Variants in COQ2 observed in about 807,000 individuals in gnomAD.
COQ2 encodes coenzyme Q2, polyprenyltransferase, also known as 4-hydroxybenzoate polyprenyltransferase, mitochondrial.
A neutral mutation model predicts 35.7 loss-of-function variants in COQ2; 25 were observed. The observed-to-expected ratio is 0.70, with a 90% CI of 0.51 to 0.98. The LOEUF (loss-of-function observed/expected upper bound fraction) is 0.98. Ranked by LOEUF, COQ2 falls within the 50% of genes least tolerant of loss-of-function variation. The probability of loss-of-function intolerance (pLI) is 0.00; values close to 1 mark genes in which losing one functional copy is unlikely to be tolerated. For synonymous variants in COQ2, 206 were observed against 186.2 expected (o/e 1.11, Z -0.86); for missense variants, 488 against 473.5 (o/e 1.03, Z -0.28).
intron 2 of COQ2, 67 bp downstream of exon 2, chr4:83,278,881 G>A: frequency 7.1e-7 from 1 of 1,408,342 alleles, no homozygotes; most frequent in Non-Finnish European, 9.3e-7. Flanking sequence ...GCATTCAAAA[G>A]TGATACCACT....
chr4:83,283,816 AT>A (rs1381502075), intron 1 of COQ2: 1 of 985,380 alleles, frequency 1.0e-6, no homozygotes, highest in African/African-American at 1.7e-5. Context: ...AAAATTGCGG[AT>A]AAAGCGATAG....
At position 83,283,778 on chromosome 4, in the gene COQ2, GGTTA is replaced by G. The variant is rs368544415; in HGVS notation, c.253+730_253+733del. On this transcript the variant is annotated intron_variant, in intron 1 of 6. Transcript: ENST00000647002. ...AGCCAATCAATCAACAAGCGCATAAGGTTAGTTAGTGGTGAGTGCTATTAAGAAA... is the reference window on the plus strand; with the variant it reads ...AGCCAATCAATCAACAAGCGCATAAGGTTAGTGGTGAGTGCTATTAAGAAA... The G allele has an allele frequency of 3.3e-5, 33 of 985,388 alleles. No individual in the cohort carries two copies. The African/African-American group carries it at 5.1e-4, about 15-fold the overall frequency. The allele number at this position is 985,388 out of a possible 1,614,324, so 61.0% of individuals were successfully genotyped here.
chr4:83,265,047 GA>G (rs1734879915), intron 6 of COQ2, among the ~76,000 whole-genome samples: 1 of 152,174 alleles, frequency 6.6e-6, no homozygotes. Flanking sequence ...TACATTTAGG[GA>G]AGGGGAGCTA....
chr4:83,264,301 T>C lies in COQ2; in HGVS notation c.1014A>G (p.Thr338=), dbSNP rs1734859054. The C allele has an allele frequency of 2.0e-5, 33 of 1,612,538 alleles. No individual in the cohort carries two copies. The highest frequency in any genetic ancestry group is 2.8e-5 in the Non-Finnish European group (33 of 1,179,518). ...TCCCTAAAAAAACTATTAGTCCCAG[T>C]GTTCGGTTGGAGATAAATTTATTCC... ...DCWNKFISNR[T]LGLIVFLGIV... Residue 338 remains threonine (T), a synonymous_variant, in exon 7 of 7, where the codon ACA becomes ACG. Transcript: ENST00000647002.
At chr4:83,280,419 A>C (rs1445435955) in intron 1 of COQ2, among the ~76,000 whole-genome samples, 1 of 152,230 alleles carries the variant, frequency 6.6e-6, no homozygotes, top group Non-Finnish European at 1.5e-5. Flanking sequence ...AGTCCCTGTA[A>C]TCATGTTTAA....
chr4:83,266,262 A>G (rs1329180567), intron 6 of COQ2, among the ~76,000 whole-genome samples: 1 of 152,246 alleles, frequency 6.6e-6, no homozygotes, highest in African/African-American at 2.4e-5. Context: ...GATTTCCTTC[A>G]TACCATGTTA....
chr4:83,267,310 G>C, intron 6 of COQ2: 1 of 417,730 alleles, frequency 2.4e-6, no homozygotes, highest in Non-Finnish European at 4.5e-6. Context: ...CCAGGAGTTA[G>C]AGGTTGCAGT....
In COQ2 at chr4:83,284,755, A is replaced by T; in HGVS notation, c.10T>A (p.Ser4Thr). The T allele has an allele frequency of 1.3e-6, 2 of 1,538,698 alleles. No homozygotes were observed. The highest frequency in any genetic ancestry group is 1.2e-5 in the South Asian group (1 of 83,010). Residue 4 changes from serine to threonine, a missense_variant, in exon 1 of 7, where the codon TCG becomes ACG. Transcript: ENST00000647002. ...CCCCGCGCGAACCCCGCGGCTCGCG[A>T]GCCCAGCATGGCGCTGGTGAGGCCG... MLG[S>T]RAAGFARGLR... is the part of the protein sequence containing the mutation.
chr4:83,267,701 A>C lies in COQ2; in HGVS notation c.836T>G (p.Leu279Arg). The stretch of plus-strand genomic sequence containing the variant: ...CAGCATTGCAACACTGAAGCCGCTG[A>C]GCCACGGCTTGGTATTTTCTCCGAA... ...LRFGENTKPW[L>R]SGFSVAMLGA... The change falls in exon 6 of 7, where the codon CTC becomes CGC. Residue 279 changes from leucine (L) to arginine (R), a missense_variant. Leu to Arg is a moderately radical substitution (Grantham distance 102). Coordinates refer to ENST00000647002, the MANE Select transcript of COQ2 (RefSeq NM_001358921.2). 3.9e-6 allele frequency: 6 copies of C among 1,555,032 alleles called. No homozygotes were observed. The highest frequency in any genetic ancestry group is 5.2e-6 in the Non-Finnish European group (6 of 1,149,042).
intron 4 of COQ2, among the ~76,000 whole-genome samples, chr4:83,270,630 C>T (rs868057977): frequency 8.5e-5 from 13 of 152,106 alleles, no homozygotes; most frequent in South Asian, 2.1e-4. Flanking sequence ...TCTCAGAAAC[C>T]CCTTTTCTCC....
chr4:83,269,782 A>G (rs943208832), intron 5 of COQ2, 78 bp downstream of exon 5: 8 of 1,221,100 alleles, frequency 6.6e-6, no homozygotes, highest in Non-Finnish European at 8.7e-6. Flanking sequence ...AATTTTAGAA[A>G]AAAATGCTTT....
intron 2 of COQ2, among the ~76,000 whole-genome samples, chr4:83,278,630 A>C (rs779916258): frequency 3.3e-5 from 5 of 152,266 alleles, no homozygotes; most frequent in Non-Finnish European, 5.9e-5. Flanking sequence ...ATCTTTGGAC[A>C]CTTGAAGGTT....
At chr4:83,271,314 C>T (rs966678156) in intron 4 of COQ2, among the ~76,000 whole-genome samples, 4 of 152,098 alleles carry the variant, frequency 2.6e-5, no homozygotes, top group Non-Finnish European at 4.4e-5. Context: ...AAGTAAGTGC[C>T]GGATTAGAAT....
chr4:83,269,022 T>C (rs1055493880), intron 5 of COQ2, among the ~76,000 whole-genome samples: 2 of 151,882 alleles, frequency 1.3e-5, no homozygotes, highest in Non-Finnish European at 2.9e-5. Flanking sequence ...AGTTTATAAA[T>C]GTAAAAGAAA....
At chr4:83,268,889 GA>G (rs142141942) in intron 5 of COQ2, among the ~76,000 whole-genome samples, 23 of 152,198 alleles carry the variant, frequency 1.5e-4, no homozygotes, top group Non-Finnish European at 3.1e-4. Context: ...AAAATACTGA[GA>G]AAAACTTTTT....
At chr4:83,279,851 C>T (rs989189280) in intron 1 of COQ2, among the ~76,000 whole-genome samples, 6 of 135,550 alleles carry the variant, frequency 4.4e-5, no homozygotes, top group East Asian at 4.6e-4. Flanking sequence ...TACACTTAGA[C>T]GGTCTAGTCT....
At position 83,267,628 on chromosome 4, in the gene COQ2, G is replaced by T; in HGVS notation, c.909C>A (p.Tyr303Ter). 1.9e-6 allele frequency: 3 copies of T among 1,585,510 alleles called. No homozygotes were observed. The highest frequency in any genetic ancestry group is 1.7e-6 in the Non-Finnish European group (2 of 1,165,956). ...VGVNSGQTAP[Y>*]YAALGAVGAH... ...CTCCTACAGCACCCAGGGCAGCGTA[G>T]TAGGGAGCAGTCTGTCCACTGTTCA... Residue 303 changes from tyrosine (Y) to a stop codon, truncating the protein, a stop_gained, in exon 6 of 7, where the codon TAC becomes TAA. Transcript: ENST00000647002. LOFTEE classifies it high-confidence loss of function.
chr4:83,264,331 A>G lies in COQ2; in HGVS notation c.984T>C (p.Asp328=), dbSNP rs1360430471. The change falls in exon 7 of 7, where the codon GAT becomes GAC. Residue 328 remains aspartate, a synonymous_variant. Coordinates refer to ENST00000647002, the MANE Select transcript of COQ2 (RefSeq NM_001358921.2). ...GGTTGGAGATAAATTTATTCCAACA[A>G]TCCTCAGGTCTGTGGATGTCTAGAG... The part of the protein sequence containing the change: ...IYTLDIHRPE[D]CWNKFISNRT... 6.2e-7 allele frequency: 1 copy of G among 1,612,704 alleles called. No individual in the cohort carries two copies. The highest frequency in any genetic ancestry group is 8.5e-7 in the Non-Finnish European group (1 of 1,179,456).
intron 2 of COQ2, among the ~76,000 whole-genome samples, chr4:83,276,078 AT>A (rs1402953456): frequency 7.0e-6 from 1 of 143,050 alleles, no homozygotes; most frequent in African/African-American, 2.6e-5. Flanking sequence ...TTTATATATA[AT>A]ATATATATAC....
Sources: allele counts gnomAD v4.1 joint callset (sites outside exome capture counted in the v4.1 genomes callset), GRCh38; gene constraint gnomAD v4.1.1; transcripts MANE v1.5; gene names NCBI Gene and HGNC (gene_info 2026-07-23, HGNC 2026-07-21).